The following CDON variants were observed in gnomAD, a reference collection of about 807,000 sequenced individuals.
CDON encodes the protein cell adhesion associated, oncogene regulated.
CDON carries 73 observed loss-of-function variants against 120.9 expected under a neutral mutation model. The ratio of observed to expected loss-of-function variants is 0.60; its 90% CI spans 0.50 to 0.73. CDON has a LOEUF of 0.73. CDON is among the 30% of genes least tolerant of loss of function. The pLI is 0.00. For missense variants in CDON, 1,470 were observed against 1,587.3 expected (o/e 0.93, Z 1.26); for synonymous variants, 566 against 573.5 (o/e 0.99, Z 0.19).
rs531870541 is a variant in CDON, at chr11:125,970,818, C to G, written c.3356+7486G>C. On this transcript the variant is annotated intron_variant, in intron 18 of 19. Coordinates refer to ENST00000531738, the MANE Select transcript of CDON (RefSeq NM_001378964.1). ...TTATAAAGAAAGACAAAAAGCTGGACTCCCTGACAACAGGCGCTAGGTCTC... is the reference window on the plus strand; with the variant it reads ...TTATAAAGAAAGACAAAAAGCTGGAGTCCCTGACAACAGGCGCTAGGTCTC... 4.6e-5 allele frequency among the ~76,000 whole-genome samples: 7 copies of G among 152,290 alleles called. No individual in the cohort carries two copies. In the South Asian group the frequency reaches 1.5e-3, roughly 32 times the overall value.
intron 1 of CDON, among the ~76,000 whole-genome samples, chr11:126,045,970 TA>T (rs1338747675): frequency 7.6e-5 from 11 of 144,788 alleles, no homozygotes; most frequent in South Asian, 2.2e-4. Context: ...AACTCCGTCC[TA>T]AAAAAAAAAC....
At chr11:126,046,327 C>G (rs997659250) in intron 1 of CDON, among the ~76,000 whole-genome samples, 1 of 152,120 alleles carries the variant, frequency 6.6e-6, no homozygotes, top group Non-Finnish European at 1.5e-5. Context: ...CACAGAGTAT[C>G]GTAAAGTCCA....
At chr11:126,049,437 G>C (rs1948499865) in intron 1 of CDON, among the ~76,000 whole-genome samples, 1 of 152,150 alleles carries the variant, frequency 6.6e-6, no homozygotes, top group Non-Finnish European at 1.5e-5. Flanking sequence ...CTCTTACTGG[G>C]AGCTGCACTC....
In CDON at chr11:126,010,674, T is replaced by G. The variant is rs778337270; in HGVS notation, c.1219A>C (p.Ile407Leu). ...TTTGCACTTACTGGTGCCGTAATTA[T>G]AACTGGCTTGAATCCACCGTCTATT... is the stretch of plus-strand genomic sequence containing the variant. ...IENDGGFKPV[I>L]ITAPVSAKVA... The change falls in exon 8 of 20, where the codon ATA (isoleucine) becomes CTA (leucine). Residue 407 changes from isoleucine to leucine, a missense_variant. By Grantham distance (5) the Ile-to-Leu change is conservative. Transcript: ENST00000531738. 6.2e-7 allele frequency: 1 copy of G among 1,614,092 alleles called. No homozygotes were observed. The highest frequency in any genetic ancestry group is 8.5e-7 in the Non-Finnish European group (1 of 1,179,922).
At chr11:126,014,979 A>T (rs1177563124) in intron 7 of CDON, 1 of 480,306 alleles carries the variant, frequency 2.1e-6, no homozygotes, top group Non-Finnish European at 3.8e-6. Flanking sequence ...AGAGTAAGAG[A>T]GAGATTGTAC....
chr11:125,981,543 G>T (rs1417749072), intron 16 of CDON, among the ~76,000 whole-genome samples: 1 of 152,116 alleles, frequency 6.6e-6, no homozygotes, highest in Non-Finnish European at 1.5e-5. Flanking sequence ...TTTTTAAAAT[G>T]TTCACTTAAA....
chr11:126,032,106 T>G (rs1477218441), intron 1 of CDON, among the ~76,000 whole-genome samples: 1 of 152,082 alleles, frequency 6.6e-6, no homozygotes, highest in Admixed American at 6.5e-5. Context: ...GGCAGAATTT[T>G]TAGGAAATAA....
chr11:125,979,403 C>T (rs1946232860), intron 17 of CDON, among the ~76,000 whole-genome samples: 1 of 152,058 alleles, frequency 6.6e-6, no homozygotes, highest in Admixed American at 6.6e-5. Flanking sequence ...GAGGGAAAAC[C>T]TGAAAGGCTC....
At chr11:125,962,965 C>G (rs1434946799) in intron 18 of CDON, among the ~76,000 whole-genome samples, 1 of 151,956 alleles carries the variant, frequency 6.6e-6, no homozygotes, top group Non-Finnish European at 1.5e-5. Context: ...ACTTTTTTTC[C>G]CTTAAGTAAT....
At position 126,021,252 on chromosome 11, in the gene CDON, C is replaced by T; in HGVS notation, c.345G>A (p.Val115=). 1 of 1,613,796 alleles carries T rather than the reference C, an allele frequency of 6.2e-7. No individual in the cohort carries two copies. The highest frequency in any genetic ancestry group is 2.2e-5 in the East Asian group (1 of 44,874). ...CAGGGACAAAATTAAACTCACCTGC[C>T]ACAGATACTGTCGCAGGGCCACTCA... The part of the protein sequence containing the change: ...AIVSGPATVS[V]AVLGDFGSST... Residue 115 remains valine (V), a synonymous_variant, in exon 3 of 20, where the codon GTG becomes GTA. Transcript: ENST00000531738.
chr11:126,018,383 G>C lies in CDON; in HGVS notation c.587C>G (p.Pro196Arg). 6.2e-7 allele frequency: 1 copy of C among 1,613,934 alleles called. No homozygotes were observed. The highest frequency in any genetic ancestry group is 8.5e-7 in the Non-Finnish European group (1 of 1,179,846). Residue 196 changes from proline (P) to arginine (R), a missense_variant, in exon 5 of 20, where the codon CCT (proline) becomes CGT (arginine). Physicochemically the swap from Pro to Arg is moderately radical, Grantham distance 103. Transcript: ENST00000531738. ...KGSYKCAAYN[P>R]VTHQLKVEPI... ...TTCAACTTTTAATTGATGTGTGACA[G>C]GATTATAAGCTGCACATTTGTATGA...
At chr11:125,989,362 C>T (rs559215453) in intron 15 of CDON, among the ~76,000 whole-genome samples, 1 of 152,234 alleles carries the variant, frequency 6.6e-6, no homozygotes, top group African/African-American at 2.4e-5. Context: ...ATGGTGAAAC[C>T]CCATCTCTAC....
At chr11:125,997,446 T>C (rs1017592936) in intron 11 of CDON, 36 bp from the exon 12 acceptor site, 2 of 1,426,662 alleles carry the variant, frequency 1.4e-6, no homozygotes, top group South Asian at 1.2e-5. Flanking sequence ...TAACCCACCA[T>C]GTCAGAGACA....
At chr11:126,008,542 A>C (rs569771324) in intron 8 of CDON, among the ~76,000 whole-genome samples, 2 of 152,294 alleles carry the variant, frequency 1.3e-5, no homozygotes, top group East Asian at 3.9e-4. Context: ...ACATAACTTC[A>C]AAGGGCTTCC....
intron 13 of CDON, 79 bp from the exon 14 acceptor site, chr11:125,994,468 T>C: frequency 1.2e-6 from 1 of 820,542 alleles, no homozygotes; most frequent in East Asian, 2.6e-5. Flanking sequence ...TTTATCTACT[T>C]GGTCACATTT....
chr11:126,049,231 TAA>T (rs1565555530), intron 1 of CDON, among the ~76,000 whole-genome samples: 1 of 152,086 alleles, frequency 6.6e-6, no homozygotes, highest in African/African-American at 2.4e-5. Context: ...CTTTTCAAAT[TAA>T]AAAAAGAAAA....
chr11:126,014,165 T>C (rs928815999), intron 7 of CDON, among the ~76,000 whole-genome samples: 1 of 152,132 alleles, frequency 6.6e-6, no homozygotes, highest in Non-Finnish European at 1.5e-5. Context: ...AAAATATTTA[T>C]AACTCATATC....
At chr11:126,052,198 T>C (rs1253793523) in intron 1 of CDON, among the ~76,000 whole-genome samples, 1 of 152,186 alleles carries the variant, frequency 6.6e-6, no homozygotes, top group African/African-American at 2.4e-5. Context: ...ATTACTGCAA[T>C]TTCTTTTAAG....
rs139430396 is a variant in CDON at position 126,009,119 on chromosome 11, G to A, written c.1552+1222C>T. 8.6e-4 allele frequency among the ~76,000 whole-genome samples: 131 copies of A among 152,276 alleles called. No individual in the cohort carries two copies. The Middle Eastern group carries it at 0.034, about 40-fold the overall frequency. ...TGGGTTACAAAGCTGCTAAGTGGCA[G>A]AGCCAGGATTCTGACACAGCCCACG... On this transcript the variant is annotated intron_variant, in intron 8 of 19. Transcript: ENST00000531738.
Sources: allele counts gnomAD v4.1 joint callset (sites outside exome capture counted in the v4.1 genomes callset), GRCh38; gene constraint gnomAD v4.1.1; transcripts MANE v1.5; gene names NCBI Gene and HGNC (gene_info 2026-07-23, HGNC 2026-07-21).